Variants in SEMA3A observed in about 807,000 individuals in gnomAD.
SEMA3A encodes the protein semaphorin-3A.
SEMA3A carries 29 observed loss-of-function variants against 97.9 expected under a neutral mutation model. The ratio of observed to expected loss-of-function variants is 0.30; its 90% CI spans 0.22 to 0.40. SEMA3A has a LOEUF of 0.40. Ranked by LOEUF, SEMA3A falls within the 10% of genes least tolerant of loss-of-function variation. The pLI, the probability that SEMA3A is intolerant of heterozygous loss-of-function variation, is 1.00. For missense variants in SEMA3A, 763 were observed against 951.3 expected, an observed-to-expected ratio of 0.80 and a Z score of 2.60; for synonymous variants, 321 against 323.7, an observed-to-expected ratio of 0.99 and a Z score of 0.09.
At chr7:84,296,675 A>G (rs1418602226) in intron 3 of SEMA3A, among the ~76,000 whole-genome samples, 2 of 152,154 alleles carry the variant, frequency 1.3e-5, no homozygotes, top group Non-Finnish European at 2.9e-5. Context: ...TTATGATTGC[A>G]TATGCTTTTA....
intron 3 of SEMA3A, among the ~76,000 whole-genome samples, chr7:84,266,065 T>A (rs1271496530): frequency 1.3e-5 from 2 of 152,052 alleles, no homozygotes; most frequent in Non-Finnish European, 2.9e-5. Flanking sequence ...ACATCTGTAA[T>A]CCCAACACTT....
At chr7:84,328,334 G>T (rs1801818100) in intron 2 of SEMA3A, among the ~76,000 whole-genome samples, 1 of 151,886 alleles carries the variant, frequency 6.6e-6, no homozygotes, top group African/African-American at 2.4e-5. Flanking sequence ...AAACATGAAT[G>T]ACCTCTTTAA....
At chr7:84,267,536 A>T (rs542457924) in intron 3 of SEMA3A, among the ~76,000 whole-genome samples, 2 of 152,202 alleles carry the variant, frequency 1.3e-5, no homozygotes, top group South Asian at 2.1e-4. Context: ...TAAAAATGTA[A>T]TTTTTTTCTA....
At chr7:84,331,230 T>C (rs572697882) in intron 2 of SEMA3A, among the ~76,000 whole-genome samples, 3 of 152,206 alleles carry the variant, frequency 2.0e-5, no homozygotes, top group South Asian at 4.1e-4. Context: ...GTATCTAAGA[T>C]GACTAAGGAA....
chr7:84,309,985 G>A (rs2115859031), intron 2 of SEMA3A, among the ~76,000 whole-genome samples: 1 of 152,052 alleles, frequency 6.6e-6, no homozygotes, highest in East Asian at 1.9e-4. Flanking sequence ...ACATTGGCAA[G>A]ATCTATAAAA....
chr7:84,110,684 G>GT, intron 3 of SEMA3A, 95 bp from the exon 4 acceptor site: 1 of 1,313,688 alleles, frequency 7.6e-7, no homozygotes, highest in Non-Finnish European at 1.0e-6. Flanking sequence ...TTTGTCTTTT[G>GT]TTTTCTTTCT....
chr7:84,158,848 T>C (rs746983342), intron 1 of SEMA3A, among the ~76,000 whole-genome samples: 163 of 152,306 alleles, frequency 1.1e-3, no homozygotes, highest in Non-Finnish European at 1.9e-3. Context: ...CATTAAAATA[T>C]CCACAAGATA....
intron 4 of SEMA3A, among the ~76,000 whole-genome samples, chr7:84,099,161 C>T (rs1794872267): frequency 9.0e-6 from 1 of 111,094 alleles, no homozygotes; most frequent in Non-Finnish European, 2.1e-5. Context: ...AGCTCCGCCT[C>T]CCGGGTTCAC....
chr7:84,394,176 G>GC (rs5885412), intron 1 of SEMA3A, among the ~76,000 whole-genome samples: 80,767 of 151,828 alleles, frequency 0.53, 23,045 homozygotes, highest in East Asian at 0.91. Context: ...AAATAGGTAT[G>GC]TTGTAGTTTT....
intron 1 of SEMA3A, among the ~76,000 whole-genome samples, chr7:84,148,585 T>C (rs1796534465): frequency 6.6e-6 from 1 of 152,212 alleles, no homozygotes; most frequent in African/African-American, 2.4e-5. Flanking sequence ...TGAAGTCAGA[T>C]ACCCTAATGA....
intron 4 of SEMA3A, among the ~76,000 whole-genome samples, chr7:84,095,993 A>G (rs1031026390): frequency 1.3e-5 from 2 of 152,074 alleles, no homozygotes; most frequent in African/African-American, 4.8e-5. Context: ...TAATCAGACA[A>G]TTTATGCATG....
At chr7:84,135,001 A>G (rs1468434288) in intron 1 of SEMA3A, 50 bp from the exon 2 acceptor site, 3 of 1,480,374 alleles carry the variant, frequency 2.0e-6, no homozygotes, top group Admixed American at 1.8e-5. Context: ...AGCACTATAT[A>G]AGCATAGACT....
At position 84,439,953 on chromosome 7, in the gene SEMA3A, T is replaced by C. The variant is rs376657179; in HGVS notation, c.-246+52507A>G. The stretch of plus-strand genomic sequence containing the variant: ...GATGGATTTAATTCATATATTCAAA[T>C]ATTTATGAGTACCTACCATGTATTA... On this transcript the variant is annotated intron_variant, in intron 1 of 3. Transcript: ENST00000424555. 7.0e-4 allele frequency among the ~76,000 whole-genome samples: 106 copies of C among 152,298 alleles called. 1 individual carries two copies. The highest frequency in any genetic ancestry group is 2.4e-3 in the African/African-American group (98 of 41,572).
intron 1 of SEMA3A, among the ~76,000 whole-genome samples, chr7:84,465,107 AAATGTGTCT>A (rs1805956394): frequency 6.6e-6 from 1 of 152,196 alleles, no homozygotes; most frequent in African/African-American, 2.4e-5. Context: ...AATTATACAT[AAATGTGTCT>A]GGATTTCATG....
intron 2 of SEMA3A, among the ~76,000 whole-genome samples, chr7:84,368,574 T>C (rs1359077077): frequency 6.6e-6 from 1 of 150,870 alleles, no homozygotes; most frequent in Non-Finnish European, 1.5e-5. Flanking sequence ...TATATACATA[T>C]AAACATACTG....
intron 1 of SEMA3A, among the ~76,000 whole-genome samples, chr7:84,477,091 T>C (rs1423291288): frequency 6.8e-6 from 1 of 147,704 alleles, no homozygotes; most frequent in East Asian, 1.9e-4. Context: ...TATATATATA[T>C]ATTTTTCAAA....
In SEMA3A at chr7:83,977,179, T is replaced by C. The variant is rs1198203457; in HGVS notation, c.1670A>G (p.Asp557Gly). The C allele has an allele frequency of 6.3e-7, 1 of 1,589,972 alleles. No individual in the cohort carries two copies. Among genetic ancestry groups the C allele is most frequent in the South Asian group, 1.1e-5 (1 of 87,474 alleles). ...PTAKRRTRRQ[D>G]IRNGDPLTHC... Reference sequence around the variant, plus strand: ...AGTCAGTGGGTCTCCATTTCTTATATCTTGTCGTCTTGTGCGTCTGAAGCA... The same window carrying C: ...AGTCAGTGGGTCTCCATTTCTTATACCTTGTCGTCTTGTGCGTCTGAAGCA... The change falls in exon 15 of 17, where the codon GAT becomes GGT. Residue 557 changes from aspartate to glycine, a missense_variant. Around this residue, in one of 2 missense-constraint regions of SEMA3A, gnomAD observed 678 missense variants for 881.3 expected, o/e 0.77. Coordinates refer to ENST00000265362, the MANE Select transcript of SEMA3A (RefSeq NM_006080.3).
chr7:84,106,881 A>G (rs1795124275), intron 4 of SEMA3A, among the ~76,000 whole-genome samples: 1 of 152,214 alleles, frequency 6.6e-6, no homozygotes, highest in East Asian at 1.9e-4. Context: ...AGTCTTAATA[A>G]AAACAACAAA....
At chr7:84,486,900 AG>A (rs1348393747) in intron 1 of SEMA3A, among the ~76,000 whole-genome samples, 2 of 152,272 alleles carry the variant, frequency 1.3e-5, no homozygotes, top group African/African-American at 4.8e-5. Flanking sequence ...CAGAAAAAAA[AG>A]ATTAAATCCT....
Sources: allele counts gnomAD v4.1 joint callset (sites outside exome capture counted in the v4.1 genomes callset), GRCh38; gene constraint gnomAD v4.1.1; regional missense constraint gnomAD v4.1.1; transcripts MANE v1.5; gene names NCBI Gene and HGNC (gene_info 2026-07-23, HGNC 2026-07-21).